Variants in CYP2J2 observed in about 807,000 individuals in gnomAD.
The protein encoded by CYP2J2 is cytochrome P450 family 2 subfamily J member 2.
In CYP2J2, 41 loss-of-function variants were observed where a neutral mutation model predicts 48.8. The ratio of observed to expected loss-of-function variants is 0.84; its 90% CI spans 0.66 to 1.09. The LOEUF (loss-of-function observed/expected upper bound fraction) is 1.09, where lower values mean the gene tolerates loss of function less well. CYP2J2 is among the 50% of genes least tolerant of loss of function. CYP2J2 has a pLI of 0.00. For missense variants in CYP2J2, 644 were observed against 617.3 expected, an observed-to-expected ratio of 1.04 and a Z score of -0.46; for synonymous variants, 221 against 227.1, an observed-to-expected ratio of 0.97 and a Z score of 0.24.
At chr1:59,896,079 A>G (rs1297043954) in intron 8 of CYP2J2, among the ~76,000 whole-genome samples, 2 of 152,144 alleles carry the variant, frequency 1.3e-5, no homozygotes, top group African/African-American at 4.8e-5. Context: ...TTCCAGGTTT[A>G]TAATACTTTC....
At chr1:59,926,110 C>G (rs189855965) in intron 1 of CYP2J2, among the ~76,000 whole-genome samples, 1 of 152,192 alleles carries the variant, frequency 6.6e-6, no homozygotes, top group East Asian at 1.9e-4. Flanking sequence ...GAGGTTGAAG[C>G]TGGAGGGCTC....
At chr1:59,968,855 G>A in the CYP2J2 span, among the ~76,000 whole-genome samples, 1 of 152,208 alleles carries the variant, frequency 6.6e-6, no homozygotes, top group African/African-American at 2.4e-5. Context: ...ATGAAGCCGC[G>A]GACCCTCGCG....
rs540185592 is a variant in CYP2J2 at position 59,906,118 on chromosome 1, A to G, written c.1004-1060T>C. On this transcript the variant is annotated intron_variant, in intron 6 of 8. Coordinates refer to ENST00000371204, the MANE Select transcript of CYP2J2 (RefSeq NM_000775.4). ...GGAGAATGGCATGAACCCAGGAGGC[A>G]GAGCTTGCAGTGAGCCGAGATGGTG... Among the ~76,000 whole-genome samples the G allele has an allele frequency of 4.0e-3, 603 of 152,290 alleles. 3 individuals are homozygous for G. The highest frequency in any genetic ancestry group is 0.014 in the African/African-American group (575 of 41,570).
chr1:59,945,927 C>A, the CYP2J2 span, among the ~76,000 whole-genome samples: 2 of 152,212 alleles, frequency 1.3e-5, no homozygotes, highest in Non-Finnish European at 2.9e-5. Flanking sequence ...TCACTGCCTC[C>A]ACTGCTAGCA....
At chr1:59,910,177 C>G (rs905034724) in intron 4 of CYP2J2, among the ~76,000 whole-genome samples, 3 of 151,788 alleles carry the variant, frequency 2.0e-5, no homozygotes, top group Non-Finnish European at 2.9e-5. Context: ...ACCACCGCAA[C>G]AGCTTGCCAC....
At chr1:59,942,275 G>A in the CYP2J2 span, among the ~76,000 whole-genome samples, 1 of 152,116 alleles carries the variant, frequency 6.6e-6, no homozygotes, top group Non-Finnish European at 1.5e-5. Context: ...AGCAGGAATA[G>A]CAATTTACCC....
chr1:59,955,922 A>C, the CYP2J2 span, among the ~76,000 whole-genome samples: 1 of 151,992 alleles, frequency 6.6e-6, no homozygotes, highest in South Asian at 2.1e-4. Flanking sequence ...GTGTGTGTGC[A>C]TGTGTGTTTA....
chr1:59,955,267 T>TATATATATATCCATATATATATATCC, the CYP2J2 span, among the ~76,000 whole-genome samples: 16 of 28,970 alleles, frequency 5.5e-4, no homozygotes, highest in South Asian at 2.4e-3. Flanking sequence ...TATATATCCA[T>TATATATATATCCATATATATATATCC]ATATATATAT....
intron 8 of CYP2J2, among the ~76,000 whole-genome samples, chr1:59,900,409 G>A (rs967161921): frequency 6.6e-6 from 1 of 152,188 alleles, no homozygotes; most frequent in African/African-American, 2.4e-5. Context: ...GAGGCGGGTG[G>A]ATCACCTGAG....
chr1:59,935,814 C>G, the CYP2J2 span, among the ~76,000 whole-genome samples: 1 of 152,198 alleles, frequency 6.6e-6, no homozygotes, highest in African/African-American at 2.4e-5. Flanking sequence ...GCTCTTGTCA[C>G]CCAGGCTGAA....
chr1:59,959,216 CTT>C, the CYP2J2 span, among the ~76,000 whole-genome samples: 2 of 152,160 alleles, frequency 1.3e-5, no homozygotes, highest in African/African-American at 4.8e-5. Flanking sequence ...AAGAACATCT[CTT>C]AACTCCATGT....
chr1:59,962,748 T>C, the CYP2J2 span, among the ~76,000 whole-genome samples: 206 of 152,318 alleles, frequency 1.4e-3, no homozygotes, highest in African/African-American at 4.6e-3. Flanking sequence ...GGGATTAAAA[T>C]CTGGGTATCC....
chr1:59,926,854 C>G, upstream of CYP2J2: 2 of 1,008,216 alleles, frequency 2.0e-6, no homozygotes, highest in Non-Finnish European at 3.0e-6. Context: ...CCCAGCCCGC[C>G]CCTTCGCAGC....
At chr1:59,896,971 T>C (rs867922885) in intron 8 of CYP2J2, among the ~76,000 whole-genome samples, 1 of 152,376 alleles carries the variant, frequency 6.6e-6, no homozygotes, top group South Asian at 2.1e-4. Context: ...TAATTTAATA[T>C]TCGTGGAAAT....
At chr1:59,898,530 G>A (rs1401064544) in intron 8 of CYP2J2, among the ~76,000 whole-genome samples, 2 of 152,218 alleles carry the variant, frequency 1.3e-5, no homozygotes, top group African/African-American at 2.4e-5. Flanking sequence ...CATGCTTACT[G>A]TTTTAAGCTG....
At chr1:59,904,445 G>T in intron 7 of CYP2J2, 1 of 156,732 alleles carries the variant, frequency 6.4e-6, no homozygotes, top group Non-Finnish European at 1.4e-5. Flanking sequence ...TCACATTTTA[G>T]CATTCTAGAA....
At chr1:59,904,151 T>C (rs763437875) in intron 7 of CYP2J2, among the ~76,000 whole-genome samples, 2 of 152,070 alleles carry the variant, frequency 1.3e-5, no homozygotes, top group Non-Finnish European at 2.9e-5. Context: ...GGTGGGTGGA[T>C]CACGAGGTCA....
intron 5 of CYP2J2, among the ~76,000 whole-genome samples, 186 bp downstream of exon 5, chr1:59,909,598 G>T (rs1316522748): frequency 6.6e-6 from 1 of 152,156 alleles, no homozygotes; most frequent in East Asian, 1.9e-4. Flanking sequence ...ATCCAGCCTA[G>T]CCAAAACCTT....
chr1:59,922,035 G>A (rs560248102), intron 1 of CYP2J2, among the ~76,000 whole-genome samples: 18 of 152,230 alleles, frequency 1.2e-4, no homozygotes, highest in African/African-American at 3.1e-4. Flanking sequence ...TATATCCAGC[G>A]CACTGGCGGC....
Sources: gnomAD v4.1 joint callset for allele counts (sites outside exome capture counted in the v4.1 genomes callset) on GRCh38, gnomAD v4.1.1 for gene constraint, MANE v1.5 for transcripts, NCBI Gene and HGNC (gene_info 2026-07-23, HGNC 2026-07-21) for gene names.